The following ANTXR1 variants were observed in gnomAD, a reference collection of about 807,000 sequenced individuals.
ANTXR1 encodes the protein ANTXR cell adhesion molecule 1, also known as anthrax toxin receptor 1.
In ANTXR1, 19 loss-of-function variants were observed where a neutral mutation model predicts 78.1. The ratio of observed to expected loss-of-function variants is 0.24; its 90% CI spans 0.17 to 0.36. The LOEUF (loss-of-function observed/expected upper bound fraction) is 0.36, where lower values mean the gene tolerates loss of function less well. ANTXR1 is among the 10% of genes least tolerant of loss of function. The pLI is 1.00. For missense variants in ANTXR1, 518 were observed against 718.6 expected, an observed-to-expected ratio of 0.72 and a Z score of 3.19; for synonymous variants, 273 against 260.5, an observed-to-expected ratio of 1.05 and a Z score of -0.46.
chr2:69,110,711 AT>A (rs111597892), intron 10 of ANTXR1, among the ~76,000 whole-genome samples: 6 of 152,020 alleles, frequency 3.9e-5, no homozygotes, highest in African/African-American at 1.4e-4. Flanking sequence ...ATAGAAAAAA[AT>A]TCAGCCAGGC....
rs139943721 is a variant in ANTXR1, at chr2:69,100,745, G to A, written c.704-2097G>A. On this transcript the variant is annotated intron_variant, in intron 9 of 17. Transcript: ENST00000303714. ...GGCATTCAAAATGGACACAGAAATA[G>A]GTTTCTATAGGCTTAACTGAGCAAA... is the stretch of plus-strand genomic sequence containing the variant. 4.8e-3 allele frequency among the ~76,000 whole-genome samples: 724 copies of A among 152,276 alleles called. 4 individuals carry two copies. The highest frequency in any genetic ancestry group is 7.8e-3 in the Non-Finnish European group (533 of 68,024).
rs944368772 is a variant in ANTXR1 at position 69,148,674 on chromosome 2, C to T, written c.952-3495C>T. On this transcript the variant is annotated intron_variant, in intron 12 of 17. Coordinates refer to ENST00000303714, the MANE Select transcript of ANTXR1 (RefSeq NM_032208.3). Reference sequence around the variant, plus strand: ...ACACAGTAAATGCTCAGTGAATGTCCGCTGTGCTAACAACAATGTTATTAC... The same window carrying T: ...ACACAGTAAATGCTCAGTGAATGTCTGCTGTGCTAACAACAATGTTATTAC... Among the ~76,000 whole-genome samples the T allele has an allele frequency of 7.9e-5, 12 of 152,256 alleles. No homozygotes were observed. The East Asian group carries it at 1.2e-3, about 15-fold the overall frequency.
intron 17 of ANTXR1, among the ~76,000 whole-genome samples, chr2:69,209,186 C>A (rs1405396682): frequency 2.0e-5 from 3 of 152,226 alleles, no homozygotes; most frequent in African/African-American, 7.2e-5. Context: ...ATTGGATTAT[C>A]TGATCTACTT....
chr2:69,047,850 T>C (rs1229603201), intron 3 of ANTXR1, among the ~76,000 whole-genome samples: 3 of 152,182 alleles, frequency 2.0e-5, no homozygotes, highest in Non-Finnish European at 4.4e-5. Context: ...TCAAAAAGTT[T>C]AGGTAACCTG....
At position 69,193,475 on chromosome 2, in the gene ANTXR1, A is replaced by T. The variant is rs367619722; in HGVS notation, c.1434+60A>T. 415 of 1,288,170 alleles carry T rather than the reference A, an allele frequency of 3.2e-4. 2 individuals are homozygous for T. The highest frequency in any genetic ancestry group is 1.3e-4 in the Admixed American group (8 of 59,292). 79.8% of individuals were successfully genotyped at this position (1,288,170 alleles called of 1,614,324 possible). A position where few individuals can be genotyped will look rare whatever the true frequency, so the allele number is the denominator to read the frequency against. Reference sequence around the variant, plus strand: ...CTCTCTCTCTCACATACACACACACACACACACACACACACATATTCTTTT... The same window carrying T: ...CTCTCTCTCTCACATACACACACACTCACACACACACACACATATTCTTTT... On this transcript the variant is annotated intron_variant, in intron 17 of 17. Coordinates refer to ENST00000303714, the MANE Select transcript of ANTXR1 (RefSeq NM_032208.3).
chr2:69,156,151 TA>T (rs1558606635), intron 13 of ANTXR1, among the ~76,000 whole-genome samples: 1 of 152,150 alleles, frequency 6.6e-6, no homozygotes. Context: ...ACTGCTAACT[TA>T]CCTCTATGGA....
intron 13 of ANTXR1, among the ~76,000 whole-genome samples, chr2:69,157,453 C>T (rs1673557865): frequency 6.6e-6 from 1 of 152,082 alleles, no homozygotes; most frequent in Admixed American, 6.6e-5. Context: ...GCAGGCATCT[C>T]ACCCTCAACA....
At chr2:69,137,061 T>C (rs1274551769) in intron 12 of ANTXR1, among the ~76,000 whole-genome samples, 1 of 152,184 alleles carries the variant, frequency 6.6e-6, no homozygotes, top group Non-Finnish European at 1.5e-5. Flanking sequence ...TGCTATAAAA[T>C]ATTGTAAAAT....
intron 3 of ANTXR1, among the ~76,000 whole-genome samples, chr2:69,059,431 A>G (rs1374737157): frequency 2.0e-5 from 3 of 152,264 alleles, no homozygotes; most frequent in East Asian, 3.9e-4. Flanking sequence ...GAAGGCTCAG[A>G]TGATCATTAG....
chr2:69,222,996 T>C (rs144997272), intron 17 of ANTXR1, among the ~76,000 whole-genome samples: 4 of 152,366 alleles, frequency 2.6e-5, no homozygotes, highest in Non-Finnish European at 5.9e-5. Context: ...CTTTATGATT[T>C]GCCTTCAGAA....
intron 10 of ANTXR1, among the ~76,000 whole-genome samples, chr2:69,107,068 A>T (rs2104332662): frequency 6.6e-6 from 1 of 152,306 alleles, no homozygotes; most frequent in East Asian, 1.9e-4. Context: ...TTAGACACAG[A>T]TGAACAGGAA....
At chr2:69,036,070 C>T (rs1669406680) in intron 1 of ANTXR1, among the ~76,000 whole-genome samples, 1 of 152,196 alleles carries the variant, frequency 6.6e-6, no homozygotes, top group African/African-American at 2.4e-5. Flanking sequence ...AATAGGGCCA[C>T]TCCTTGAGAA....
At chr2:69,114,386 C>T (rs369578757) in intron 10 of ANTXR1, among the ~76,000 whole-genome samples, 49 of 152,338 alleles carry the variant, frequency 3.2e-4, no homozygotes, top group Middle Eastern at 3.4e-3. Context: ...AGGTCACAAC[C>T]TTGTGCAGAA....
intron 17 of ANTXR1, among the ~76,000 whole-genome samples, chr2:69,196,816 C>G (rs1674676216): frequency 6.6e-6 from 1 of 152,198 alleles, no homozygotes; most frequent in Non-Finnish European, 1.5e-5. Flanking sequence ...ACATGTTGAC[C>G]TCACAGAAAC....
chr2:69,221,174 G>A (rs1459788410), intron 17 of ANTXR1, among the ~76,000 whole-genome samples: 1 of 152,118 alleles, frequency 6.6e-6, no homozygotes, highest in Non-Finnish European at 1.5e-5. Flanking sequence ...GCTGTAAAGG[G>A]ACTCTCCAAT....
chr2:69,097,575 C>T (rs1671471535), intron 9 of ANTXR1, among the ~76,000 whole-genome samples: 1 of 152,222 alleles, frequency 6.6e-6, no homozygotes. Flanking sequence ...TTGCTTCATT[C>T]TCTGCTCAAT....
intron 6 of ANTXR1, among the ~76,000 whole-genome samples, chr2:69,074,743 A>G (rs1397776813): frequency 6.6e-6 from 1 of 152,254 alleles, no homozygotes; most frequent in Non-Finnish European, 1.5e-5. Context: ...GGATTTGAGT[A>G]CTAAGAAAGG....
chr2:69,092,426 G>A (rs78593694), intron 9 of ANTXR1, among the ~76,000 whole-genome samples: 3,838 of 152,302 alleles, frequency 0.025, 82 homozygotes, highest in Middle Eastern at 0.048. Context: ...AACTAGTTAT[G>A]TACATACATA....
At chr2:69,026,135 T>A (rs181304802) in intron 1 of ANTXR1, among the ~76,000 whole-genome samples, 44 of 152,352 alleles carry the variant, frequency 2.9e-4, no homozygotes, top group Admixed American at 2.4e-3. Flanking sequence ...ACTGTAATTG[T>A]ACATTTCCTG....
Sources: allele counts gnomAD v4.1 joint callset (sites outside exome capture counted in the v4.1 genomes callset), GRCh38; gene constraint gnomAD v4.1.1; transcripts MANE v1.5; gene names NCBI Gene and HGNC (gene_info 2026-07-23, HGNC 2026-07-21).